The following PDE3B variants were observed in gnomAD, a reference collection of about 807,000 sequenced individuals.
PDE3B encodes the protein cGMP-inhibited 3',5'-cyclic phosphodiesterase 3B.
PDE3B carries 66 observed loss-of-function variants against 116.8 expected under a neutral mutation model. That is an observed-to-expected ratio of 0.56 (90% confidence interval 0.46 to 0.69). The LOEUF (loss-of-function observed/expected upper bound fraction) is 0.69, where lower values mean the gene tolerates loss of function less well. Among genes scored for constraint, PDE3B ranks in the 30% least tolerant of loss-of-function variants. The pLI, the probability that PDE3B is intolerant of heterozygous loss-of-function variation, is 0.00. For synonymous variants in PDE3B, 595 were observed against 533.6 expected, an observed-to-expected ratio of 1.12 and a Z score of -1.59; for missense variants, 1,384 against 1,368.1, an observed-to-expected ratio of 1.01 and a Z score of -0.18.
intron 1 of PDE3B, among the ~76,000 whole-genome samples, chr11:14,697,825 G>T (rs1218561673): frequency 6.6e-6 from 1 of 151,946 alleles, no homozygotes; most frequent in Non-Finnish European, 1.5e-5. Context: ...TATTGTATAA[G>T]TGGTGTTTCA....
rs528663646 is a variant in PDE3B, at chr11:14,703,063, G to T, written c.978+58010G>T. 1.1e-4 allele frequency among the ~76,000 whole-genome samples: 16 copies of T among 151,972 alleles called. No homozygotes were observed. The East Asian group carries it at 2.3e-3, about 22-fold the overall frequency. ...CTGGTCTTCTGTCAGTCTGAGGCAAGTAGTCACTTGACTGAATGTGGTGGA... is the reference window on the plus strand; with the variant it reads ...CTGGTCTTCTGTCAGTCTGAGGCAATTAGTCACTTGACTGAATGTGGTGGA... On this transcript the variant is annotated intron_variant, in intron 1 of 15. Transcript: ENST00000282096.
At chr11:14,861,139 G>A in intron 13 of PDE3B, 66 bp from the exon 14 acceptor site, 26 of 1,268,404 alleles carry the variant, frequency 2.0e-5, no homozygotes, top group Non-Finnish European at 2.8e-5. Context: ...TTTGGTAAAA[G>A]CAAACAAAAC....
Position 14,644,384 on chromosome 11 carries a change from C to G in PDE3B, c.309C>G (p.Ala103=). The change falls in exon 1 of 16, where the codon GCC becomes GCG. Residue 103 remains alanine (A), a synonymous_variant. Coordinates refer to ENST00000282096, the MANE Select transcript of PDE3B (RefSeq NM_000922.4). The part of the protein sequence containing the change: ...LLGAEPESWA[A]GAAWLRTLLS... ...GCGCGGAACCCGAGAGCTGGGCTGC[C>G]GGGGCCGCCTGGCTGCGGACGCTGC... 1 of 1,602,088 alleles carries G rather than the reference C, an allele frequency of 6.2e-7. No individual in the cohort carries two copies. The highest frequency in any genetic ancestry group is 8.5e-7 in the Non-Finnish European group (1 of 1,175,464).
intron 1 of PDE3B, among the ~76,000 whole-genome samples, chr11:14,677,437 C>G (rs1413202483): frequency 1.3e-5 from 2 of 152,146 alleles, no homozygotes; most frequent in African/African-American, 4.8e-5. Flanking sequence ...GTAATGATAT[C>G]TTTCTATGTT....
the PDE3B span, chr11:14,885,699 T>C: frequency 7.0e-7 from 1 of 1,437,788 alleles, no homozygotes; most frequent in Non-Finnish European, 9.7e-7. Context: ...ATCCCAACTG[T>C]ATGCACTAAA....
At position 14,644,992 on chromosome 11, in the gene PDE3B, GT is replaced by G. The variant is rs1320729422; in HGVS notation, c.919del (p.Tyr307ThrfsTer21). 1 of 1,613,752 alleles carries G rather than the reference GT, an allele frequency of 6.2e-7. No homozygotes were observed. The highest frequency in any genetic ancestry group is 8.5e-7 in the Non-Finnish European group (1 of 1,179,974). ...GTGTCGTTAGGAGAAACTGCAGCCA[GT>G]TACTATGGCAGTTGCAAAATATTCA... is the stretch of plus-strand genomic sequence containing the variant. ...SCVSLGETAA[S>X]YYGSCKIFRR... On this transcript the variant is annotated frameshift_variant, in exon 1 of 16. Coordinates refer to ENST00000282096, the MANE Select transcript of PDE3B (RefSeq NM_000922.4). LOFTEE classifies it high-confidence loss of function.
chr11:14,688,113 T>TCTC (rs1854931993), intron 1 of PDE3B, among the ~76,000 whole-genome samples: 36 of 109,930 alleles, frequency 3.3e-4, no homozygotes, highest in African/African-American at 1.1e-3. Context: ...CTCTCTCTCT[T>TCTC]TCTCTCTCTC....
At chr11:14,682,567 T>G (rs1024806071) in intron 1 of PDE3B, among the ~76,000 whole-genome samples, 2 of 152,200 alleles carry the variant, frequency 1.3e-5, no homozygotes, top group Admixed American at 6.5e-5. Context: ...AATGCCTTTT[T>G]TTGCATCAAT....
At chr11:14,686,815 G>A (rs1854889399) in intron 1 of PDE3B, among the ~76,000 whole-genome samples, 1 of 152,100 alleles carries the variant, frequency 6.6e-6, no homozygotes. Flanking sequence ...CTGGGTTCAT[G>A]CCATTCTCCT....
At chr11:14,737,365 ATT>A (rs561746267) in intron 1 of PDE3B, among the ~76,000 whole-genome samples, 1 of 152,034 alleles carries the variant, frequency 6.6e-6, no homozygotes, top group Non-Finnish European at 1.5e-5. Context: ...TGCCCAGCTA[ATT>A]TTTTGTGTTT....
intron 1 of PDE3B, among the ~76,000 whole-genome samples, chr11:14,756,038 T>G (rs774195886): frequency 8.5e-5 from 13 of 152,202 alleles, no homozygotes; most frequent in Non-Finnish European, 4.4e-5. Context: ...ACAATTATTT[T>G]ACAATTAAGA....
In PDE3B at chr11:14,644,056, G is replaced by C. The variant is rs1314199322; in HGVS notation, c.-20G>C. The C allele has an allele frequency of 3.4e-6, 5 of 1,485,244 alleles. No homozygotes were observed. The highest frequency in any genetic ancestry group is 4.4e-6 in the Non-Finnish European group (5 of 1,128,814). The allele number at this position is 1,485,244 out of a possible 1,614,324, so 92.0% of individuals were successfully genotyped here. On this transcript the variant is annotated 5_prime_UTR_variant, in exon 1 of 16. Coordinates refer to ENST00000282096, the MANE Select transcript of PDE3B (RefSeq NM_000922.4). ...ACGAGCGGGGTGTGCTGAGTCCCGT[G>C]GCCACCCCCGGCCCCAGCCATGAGG... is the stretch of plus-strand genomic sequence containing the variant.
At chr11:14,796,391 T>G (rs1348830773) in intron 4 of PDE3B, among the ~76,000 whole-genome samples, 3 of 152,230 alleles carry the variant, frequency 2.0e-5, no homozygotes, top group African/African-American at 7.2e-5. Context: ...TACCCAGTAA[T>G]GGGATTGCTG....
chr11:14,864,261 T>C (rs1334139686), intron 14 of PDE3B, among the ~76,000 whole-genome samples: 2 of 152,170 alleles, frequency 1.3e-5, no homozygotes, highest in Non-Finnish European at 2.9e-5. Flanking sequence ...CTAACTATCC[T>C]AAATATATAT....
intron 4 of PDE3B, among the ~76,000 whole-genome samples, chr11:14,794,319 CTTTT>C (rs11333119): frequency 2.9e-5 from 4 of 136,420 alleles, no homozygotes; most frequent in African/African-American, 2.8e-5. Flanking sequence ...TTTTTCTTTT[CTTTT>C]TTTTTTTTTT....
intron 1 of PDE3B, among the ~76,000 whole-genome samples, chr11:14,731,338 A>G (rs1476274222): frequency 6.7e-6 from 1 of 148,158 alleles, no homozygotes; most frequent in African/African-American, 2.5e-5. Flanking sequence ...GGCTCACTGC[A>G]AGTTCCGCGT....
intron 5 of PDE3B, among the ~76,000 whole-genome samples, chr11:14,812,544 G>A (rs1223122516): frequency 6.6e-6 from 1 of 152,108 alleles, no homozygotes; most frequent in East Asian, 1.9e-4. Context: ...TACATTTTAA[G>A]AAGCTATAAG....
At chr11:14,842,824 A>C (rs770603562) in intron 11 of PDE3B, among the ~76,000 whole-genome samples, 3 of 152,246 alleles carry the variant, frequency 2.0e-5, no homozygotes, top group African/African-American at 4.8e-5. Flanking sequence ...ACAAATTATA[A>C]ATAGCATGAA....
rs892353502 is a variant in PDE3B at position 14,738,742 on chromosome 11, G to C, written c.979-33195G>C. Among the ~76,000 whole-genome samples, 6 of 152,050 alleles carry C rather than the reference G, an allele frequency of 3.9e-5. No individual in the cohort carries two copies. In the South Asian group the frequency reaches 6.2e-4, roughly 16 times the overall value. The stretch of plus-strand genomic sequence containing the variant: ...GGGTTTTTATGGTTTTAGGTCTTAC[G>C]CTTAAGTCTTTAATCCATCTTGAGT... On this transcript the variant is annotated intron_variant, in intron 1 of 15. Coordinates refer to ENST00000282096, the MANE Select transcript of PDE3B (RefSeq NM_000922.4).
Sources: allele counts gnomAD v4.1 joint callset (sites outside exome capture counted in the v4.1 genomes callset), GRCh38; gene constraint gnomAD v4.1.1; transcripts MANE v1.5; gene names NCBI Gene and HGNC (gene_info 2026-07-23, HGNC 2026-07-21).